TP63: variants seen among roughly 807,000 people sequenced by gnomAD.
The protein encoded by TP63 is tumor protein 63.
TP63 carries 17 observed loss-of-function variants against 82.8 expected under a neutral mutation model. That is an observed-to-expected ratio of 0.21 (90% CI 0.14 to 0.31). The LOEUF is 0.31. Ranked by LOEUF, TP63 falls within the 10% of genes least tolerant of loss-of-function variation. The pLI, the probability that TP63 is intolerant of heterozygous loss-of-function variation, is 1.00. For missense variants in TP63, 648 were observed against 895.3 expected (o/e 0.72, Z 3.52); for synonymous variants, 330 against 321.7 (o/e 1.03, Z -0.28).
chr3:189,882,459 T>C (rs945522996), intron 10 of TP63, among the ~76,000 whole-genome samples: 8 of 130,968 alleles, frequency 6.1e-5, no homozygotes, highest in African/African-American at 2.4e-4. Flanking sequence ...TGGTCCATGT[T>C]TTCCCTTTTT....
At chr3:189,823,706 C>T (rs1729038287) in intron 4 of TP63, among the ~76,000 whole-genome samples, 1 of 152,104 alleles carries the variant, frequency 6.6e-6, no homozygotes, top group South Asian at 2.1e-4. Context: ...TCACTTCCTC[C>T]CTAGTGCCTC....
chr3:189,638,695 G>A (rs1331633729), intron 1 of TP63, among the ~76,000 whole-genome samples: 1 of 152,132 alleles, frequency 6.6e-6, no homozygotes, highest in Non-Finnish European at 1.5e-5. Context: ...TTTGATTCGG[G>A]TGGTTATCAG....
chr3:189,887,347 A>G (rs946058617), intron 11 of TP63, among the ~76,000 whole-genome samples: 1 of 152,138 alleles, frequency 6.6e-6, no homozygotes, highest in Admixed American at 6.5e-5. Context: ...TTAACATTTT[A>G]TGTCTGTTAC....
chr3:189,894,461 C>T lies in TP63; in HGVS notation c.2002C>T (p.Arg668Cys), dbSNP rs749906547. 5 of 1,613,934 alleles carry T rather than the reference C, an allele frequency of 3.1e-6. No homozygotes were observed. Among genetic ancestry groups the T allele is most frequent in the Admixed American group, 1.7e-5 (1 of 60,008 alleles). The change falls in exon 14 of 14, where the codon CGC (arginine) becomes TGC (cysteine). Residue 668 changes from arginine (R) to cysteine (C), a missense_variant. Coordinates refer to ENST00000264731, the MANE Select transcript of TP63 (RefSeq NM_003722.5). ...WNDFNFDMDA[R>C]RNKQQRIKEE... ...TGACTTCAACTTTGACATGGATGCTCGCCGCAATAAGCAACAGCGCATCAA... is the reference window on the plus strand; with the variant it reads ...TGACTTCAACTTTGACATGGATGCTTGCCGCAATAAGCAACAGCGCATCAA...
chr3:189,847,583 A>G (rs953703983), intron 4 of TP63, among the ~76,000 whole-genome samples: 7 of 152,192 alleles, frequency 4.6e-5, no homozygotes, highest in Non-Finnish European at 7.3e-5. Context: ...CACCCATCAC[A>G]GTATTTTATT....
chr3:189,616,869 C>T, the TP63 span, among the ~76,000 whole-genome samples: 32 of 152,148 alleles, frequency 2.1e-4, no homozygotes, highest in African/African-American at 7.7e-4. Flanking sequence ...CATTGTGAGT[C>T]TCCACTGGGG....
chr3:189,777,676 C>T (rs1576932957), intron 3 of TP63, among the ~76,000 whole-genome samples: 1 of 151,716 alleles, frequency 6.6e-6, no homozygotes, highest in East Asian at 1.9e-4. Flanking sequence ...TCCCATAGAA[C>T]TATGTCTGTA....
intron 8 of TP63, 42 bp from the exon 9 acceptor site, chr3:189,869,282 A>G (rs1718116686): frequency 6.7e-7 from 1 of 1,493,550 alleles, no homozygotes; most frequent in African/African-American, 1.4e-5. Context: ...TTAGTGCTTT[A>G]GAAGTGTTCC....
intron 10 of TP63, among the ~76,000 whole-genome samples, chr3:189,883,287 T>A (rs1328196280): frequency 6.6e-6 from 1 of 152,184 alleles, no homozygotes; most frequent in Non-Finnish European, 1.5e-5. Context: ...CTTCTTCTAG[T>A]TCAGTCATTT....
chr3:189,752,621 G>A (rs1283970382), intron 3 of TP63, among the ~76,000 whole-genome samples: 3 of 152,064 alleles, frequency 2.0e-5, no homozygotes, highest in Admixed American at 1.3e-4. Context: ...AACTTGGTCA[G>A]CTTATCGGTT....
chr3:189,647,460 T>C (rs542040547), intron 1 of TP63, among the ~76,000 whole-genome samples: 1 of 147,066 alleles, frequency 6.8e-6, no homozygotes, highest in South Asian at 2.2e-4. Context: ...ACCTCTAAGA[T>C]GGTCCAACTC....
At chr3:189,747,759 C>A (rs1056461801) in intron 3 of TP63, among the ~76,000 whole-genome samples, 12 of 151,808 alleles carry the variant, frequency 7.9e-5, no homozygotes, top group Non-Finnish European at 1.8e-4. Context: ...AAAATATAGA[C>A]TAAAAAAATT....
At chr3:189,694,632 A>G (rs1231515117) in intron 1 of TP63, among the ~76,000 whole-genome samples, 1 of 151,830 alleles carries the variant, frequency 6.6e-6, no homozygotes, top group Non-Finnish European at 1.5e-5. Flanking sequence ...TCAACACATT[A>G]TATTAAGGGT....
intron 1 of TP63, among the ~76,000 whole-genome samples, chr3:189,684,474 GA>G (rs999931430): frequency 3.3e-5 from 5 of 152,286 alleles, no homozygotes; most frequent in African/African-American, 1.2e-4. Flanking sequence ...GTAAAAGTAT[GA>G]ATAAGACTGT....
intron 3 of TP63, among the ~76,000 whole-genome samples, chr3:189,778,978 A>G (rs567896712): frequency 3.9e-5 from 6 of 152,262 alleles, no homozygotes; most frequent in South Asian, 2.1e-4. Context: ...CAGCTTTCCC[A>G]TAGCTCGTGT....
At position 189,745,338 on chromosome 3, in the gene TP63, T is replaced by C. The variant is rs981312352; in HGVS notation, c.324+6564T>C. On this transcript the variant is annotated intron_variant, in intron 3 of 13. Coordinates refer to ENST00000264731, the MANE Select transcript of TP63 (RefSeq NM_003722.5). ...AGAAGCTCAGTGAGATATAGGAGAA[T>C]ACCAAAAAGCAATAGAAGTCAGAAA... Among the ~76,000 whole-genome samples the C allele has an allele frequency of 6.6e-5, 10 of 152,188 alleles. No individual in the cohort carries two copies. In the East Asian group the frequency reaches 1.7e-3, roughly 26 times the overall value.
intron 1 of TP63, among the ~76,000 whole-genome samples, chr3:189,723,819 A>G (rs1470840672): frequency 6.6e-6 from 1 of 152,218 alleles, no homozygotes; most frequent in Non-Finnish European, 1.5e-5. Context: ...TACTTGTTAG[A>G]TAGCATTTTA....
chr3:189,831,224 TCTG>T (rs1712282185), intron 4 of TP63, among the ~76,000 whole-genome samples: 1 of 152,222 alleles, frequency 6.6e-6, no homozygotes, highest in Non-Finnish European at 1.5e-5. Flanking sequence ...CTAATTGAAA[TCTG>T]CTGTTTGAGG....
intron 3 of TP63, among the ~76,000 whole-genome samples, chr3:189,795,791 C>T (rs1725637201): frequency 1.3e-5 from 2 of 151,974 alleles, no homozygotes; most frequent in African/African-American, 4.8e-5. Flanking sequence ...TTCAAAACTT[C>T]ACATACTCTA....
Sources: gnomAD v4.1 joint callset for allele counts (sites outside exome capture counted in the v4.1 genomes callset) on GRCh38, gnomAD v4.1.1 for gene constraint, MANE v1.5 for transcripts, NCBI Gene and HGNC (gene_info 2026-07-23, HGNC 2026-07-21) for gene names.